The following SUFU variants were observed in gnomAD, a reference collection of about 807,000 sequenced individuals.
The protein encoded by SUFU is SUFU negative regulator of hedgehog signaling.
In SUFU, 7 loss-of-function variants were observed where a neutral mutation model predicts 58.9. That is an observed-to-expected ratio of 0.12 (90% CI 0.07 to 0.22). The LOEUF is 0.22. Among genes scored for constraint, SUFU ranks in the 10% least tolerant of loss-of-function variants. SUFU has a pLI of 1.00. For missense variants in SUFU, 451 were observed against 641.3 expected (o/e 0.70, Z 3.20); for synonymous variants, 232 against 254.8 (o/e 0.91, Z 0.85).
intron 2 of SUFU, among the ~76,000 whole-genome samples, chr10:102,515,905 T>C (rs2062462763): frequency 6.6e-6 from 1 of 152,118 alleles, no homozygotes; most frequent in African/African-American, 2.4e-5. Flanking sequence ...TTGCATGAGA[T>C]GGTGGAGTTC....
intron 10 of SUFU, among the ~76,000 whole-genome samples, chr10:102,626,569 G>A (rs1387919583): frequency 6.6e-6 from 1 of 152,124 alleles, no homozygotes; most frequent in African/African-American, 2.4e-5. Flanking sequence ...CTTCCAGCCT[G>A]GGAGGATGTG....
rs534592622 is a variant in SUFU at position 102,557,986 on chromosome 10, G to A, written c.454+7880G>A. 4.0e-5 allele frequency among the ~76,000 whole-genome samples: 6 copies of A among 151,374 alleles called. No individual in the cohort carries two copies. The South Asian group carries it at 6.3e-4, about 16-fold the overall frequency. ...CACAATTCCAGCTCACTGCACCTCC[G>A]CCTCCTGAGTTCAAGCAGTTCTCCT... On this transcript the variant is annotated intron_variant, in intron 3 of 11. Coordinates refer to ENST00000369902, the MANE Select transcript of SUFU (RefSeq NM_016169.4).
At chr10:102,510,372 G>A (rs562662810) in intron 2 of SUFU, among the ~76,000 whole-genome samples, 17 of 151,826 alleles carry the variant, frequency 1.1e-4, no homozygotes, top group African/African-American at 3.9e-4. Flanking sequence ...ACCACGCCCA[G>A]CTAATTTTTG....
At chr10:102,550,397 A>G (rs953932657) in intron 3 of SUFU, among the ~76,000 whole-genome samples, 18 of 152,036 alleles carry the variant, frequency 1.2e-4, no homozygotes, top group Non-Finnish European at 7.4e-5. Context: ...ATGTCATCTG[A>G]TATATGTTTC....
intron 2 of SUFU, among the ~76,000 whole-genome samples, chr10:102,543,496 G>C (rs577856067): frequency 6.6e-6 from 1 of 152,116 alleles, no homozygotes; most frequent in East Asian, 1.9e-4. Context: ...CATATTTATA[G>C]TTATGTAACC....
intron 3 of SUFU, chr10:102,579,970 A>G (rs936113652): frequency 3.0e-5 from 16 of 535,314 alleles, no homozygotes; most frequent in Non-Finnish European, 3.8e-5. Context: ...TTTACCTTCT[A>G]GCCCCAAGAG....
chr10:102,605,543 T>G (rs2135904748), intron 8 of SUFU, among the ~76,000 whole-genome samples: 1 of 152,324 alleles, frequency 6.6e-6, no homozygotes. Context: ...TATTGGTGTT[T>G]ACTATTCACC....
chr10:102,627,496 C>G (rs1178500341), intron 11 of SUFU, among the ~76,000 whole-genome samples: 1 of 152,232 alleles, frequency 6.6e-6, no homozygotes, highest in Admixed American at 6.5e-5. Context: ...TGTAAGGACA[C>G]CCAGCAAATC....
At chr10:102,541,875 ATT>A (rs58231037) in intron 2 of SUFU, among the ~76,000 whole-genome samples, 24,130 of 85,788 alleles carry the variant, frequency 0.28, 2,580 homozygotes, top group Admixed American at 0.31. Flanking sequence ...TGCCCGGCTA[ATT>A]TTTTTTTTTT....
intron 3 of SUFU, among the ~76,000 whole-genome samples, chr10:102,560,066 C>G (rs2063020064): frequency 6.6e-6 from 1 of 152,164 alleles, no homozygotes; most frequent in African/African-American, 2.4e-5. Flanking sequence ...CTGACAGACT[C>G]TAATGCTAAC....
chr10:102,570,898 G>T (rs2135801493), intron 3 of SUFU, among the ~76,000 whole-genome samples: 1 of 152,200 alleles, frequency 6.6e-6, no homozygotes, highest in East Asian at 1.9e-4. Flanking sequence ...CCAGTGGTCA[G>T]ATCTTTCAAA....
chr10:102,568,162 G>T (rs1234282441), intron 3 of SUFU, among the ~76,000 whole-genome samples: 1 of 149,290 alleles, frequency 6.7e-6, no homozygotes, highest in Non-Finnish European at 1.5e-5. Flanking sequence ...AAAACATAAA[G>T]AAACCTTGTC....
intron 8 of SUFU, among the ~76,000 whole-genome samples, chr10:102,600,670 T>G (rs2063507096): frequency 1.3e-5 from 2 of 152,046 alleles, no homozygotes; most frequent in South Asian, 4.1e-4. Context: ...TGAGGGCACC[T>G]TAGAATTTTA....
At chr10:102,561,062 C>T (rs562523233) in intron 3 of SUFU, among the ~76,000 whole-genome samples, 3 of 152,278 alleles carry the variant, frequency 2.0e-5, no homozygotes, top group African/African-American at 7.2e-5. Flanking sequence ...AGGCTGATCT[C>T]GAACTCCTGA....
chr10:102,570,324 C>T (rs889411683), intron 3 of SUFU, among the ~76,000 whole-genome samples: 1 of 152,016 alleles, frequency 6.6e-6, no homozygotes, highest in Non-Finnish European at 1.5e-5. Context: ...TCACTGCAAC[C>T]TCCGCCTCCC....
At chr10:102,505,775 T>C (rs1215243872) in intron 1 of SUFU, among the ~76,000 whole-genome samples, 1 of 152,174 alleles carries the variant, frequency 6.6e-6, no homozygotes, top group African/African-American at 2.4e-5. Flanking sequence ...GGCGAACTGT[T>C]CTCTGGTTGA....
chr10:102,535,044 T>C (rs1446402519), intron 2 of SUFU, among the ~76,000 whole-genome samples: 1 of 152,016 alleles, frequency 6.6e-6, no homozygotes, highest in Admixed American at 6.6e-5. Flanking sequence ...CTGGAGGGAA[T>C]AGCTAGCCCA....
intron 3 of SUFU, among the ~76,000 whole-genome samples, chr10:102,556,137 G>A (rs557595997): frequency 6.6e-6 from 1 of 152,330 alleles, no homozygotes; most frequent in Admixed American, 6.5e-5. Flanking sequence ...GGAGGCGAAT[G>A]AAAGGGGAAC....
intron 2 of SUFU, among the ~76,000 whole-genome samples, chr10:102,511,054 T>G (rs1426796506): frequency 2.1e-5 from 3 of 140,700 alleles, no homozygotes; most frequent in Non-Finnish European, 3.0e-5. Flanking sequence ...CTGGGAGGAG[T>G]AGGTTGCAGT....
Sources: gnomAD v4.1 joint callset for allele counts (sites outside exome capture counted in the v4.1 genomes callset) on GRCh38, gnomAD v4.1.1 for gene constraint, MANE v1.5 for transcripts, NCBI Gene and HGNC (gene_info 2026-07-23, HGNC 2026-07-21) for gene names.